The following KIF27 variants were observed in gnomAD, a reference collection of about 807,000 sequenced individuals.
KIF27 encodes kinesin-like protein KIF27.
In KIF27, 84 loss-of-function variants were observed where a neutral mutation model predicts 141.8. The observed-to-expected ratio is 0.59, with a 90% CI of 0.50 to 0.71. The LOEUF (loss-of-function observed/expected upper bound fraction) is 0.71. KIF27 is among the 30% of genes least tolerant of loss of function. KIF27 has a pLI of 0.00. For missense variants in KIF27, 1,306 were observed against 1,628.4 expected (o/e 0.80, Z 3.41); for synonymous variants, 471 against 569.5 (o/e 0.83, Z 2.46).
chr9:83,886,357 T>C (rs1952105040), intron 9 of KIF27, among the ~76,000 whole-genome samples: 1 of 152,132 alleles, frequency 6.6e-6, no homozygotes, highest in Non-Finnish European at 1.5e-5. Context: ...GAAGACCCTT[T>C]TCTTGCTCAT....
In KIF27 at chr9:83,849,955, C is replaced by T. The variant is rs1948348495; in HGVS notation, c.3556+144G>A. 3 of 701,282 alleles carry T rather than the reference C, an allele frequency of 4.3e-6. No homozygotes were observed. In the South Asian group the frequency reaches 5.4e-5, roughly 13 times the overall value. 43.4% of individuals were successfully genotyped at this position (701,282 alleles called of 1,614,324 possible). On this transcript the variant is annotated intron_variant, in intron 16 of 17. Transcript: ENST00000297814. The stretch of plus-strand genomic sequence containing the variant: ...AGTCAACTGTCCCAAAATGCGGCAA[C>T]CAAAACATGTAAAGCCCAAAAACTT...
In KIF27 at chr9:83,882,878, T is replaced by C. The variant is rs193226714; in HGVS notation, c.2445+935A>G. On this transcript the variant is annotated intron_variant, in intron 10 of 17. Transcript: ENST00000297814. ...TTCAAGTCATATTATTTTAACTTGA[T>C]GTTGACTTGAGAAACTATTTAGGTA... Among the ~76,000 whole-genome samples, 582 of 152,282 alleles carry C rather than the reference T, an allele frequency of 3.8e-3. 2 individuals carry two copies. Among genetic ancestry groups the C allele is most frequent in the African/African-American group, 0.014 (566 of 41,556 alleles).
At chr9:83,895,894 CA>C (rs1243016037) in intron 5 of KIF27, among the ~76,000 whole-genome samples, 2 of 150,956 alleles carry the variant, frequency 1.3e-5, no homozygotes, top group African/African-American at 2.4e-5. Flanking sequence ...ACTAAAAATA[CA>C]AAAAAAATTA....
chr9:83,887,720 A>C (rs1485490490), intron 8 of KIF27, among the ~76,000 whole-genome samples: 2 of 151,996 alleles, frequency 1.3e-5, no homozygotes, highest in African/African-American at 4.8e-5. Context: ...AACTAGTGTA[A>C]GCTCATTTAC....
chr9:83,903,910 T>C lies in KIF27; in HGVS notation c.608A>G (p.His203Arg), dbSNP rs965411515. ...RHTGTTQMNE[H>R]SSRSHAIFTI... is the part of the protein sequence containing the mutation. ...AAAAATTGCATGTGATCTGCTGGAGTGCTCATTCATTTGAGTGGTACCTGT... is the reference window on the plus strand; with the variant it reads ...AAAAATTGCATGTGATCTGCTGGAGCGCTCATTCATTTGAGTGGTACCTGT... Residue 203 changes from histidine (H) to arginine (R), a missense_variant, in exon 4 of 18, where the codon CAC becomes CGC. His to Arg is a conservative substitution (Grantham distance 29). Around this residue, in one of 4 missense-constraint regions of KIF27, gnomAD observed 533 missense variants for 565.6 expected, o/e 0.94. Coordinates refer to ENST00000297814, the MANE Select transcript of KIF27 (RefSeq NM_017576.4). 1 of 1,614,018 alleles carries C rather than the reference T, an allele frequency of 6.2e-7. No homozygotes were observed. The highest frequency in any genetic ancestry group is 8.5e-7 in the Non-Finnish European group (1 of 1,180,010).
At chr9:83,860,587 C>G (rs1472946314) in intron 13 of KIF27, among the ~76,000 whole-genome samples, 1 of 152,186 alleles carries the variant, frequency 6.6e-6, no homozygotes, top group Non-Finnish European at 1.5e-5. Context: ...CTTTTTATTG[C>G]ACCTTATAGC....
At chr9:83,913,396 T>C (rs1032254256) in intron 2 of KIF27, among the ~76,000 whole-genome samples, 4 of 152,134 alleles carry the variant, frequency 2.6e-5, no homozygotes, top group African/African-American at 7.2e-5. Context: ...TATAGAGACA[T>C]TCTGGGAAAC....
At chr9:83,893,343 C>T (rs531804790) in intron 5 of KIF27, among the ~76,000 whole-genome samples, 44 of 152,268 alleles carry the variant, frequency 2.9e-4, no homozygotes, top group Non-Finnish European at 5.6e-4. Context: ...TGCCCAATGA[C>T]TGCAGAATGC....
chr9:83,867,648 T>A (rs756329941), intron 13 of KIF27, 36 bp downstream of exon 13: 8 of 1,556,948 alleles, frequency 5.1e-6, no homozygotes, highest in Non-Finnish European at 6.9e-6. Context: ...GGGAGTGGTT[T>A]ACAACCAGAA....
At chr9:83,904,068 G>T in intron 3 of KIF27, 50 bp from the exon 4 acceptor site, 1 of 1,438,974 alleles carries the variant, frequency 6.9e-7, no homozygotes. Flanking sequence ...TCAAAACCTA[G>T]TATAGTTAAC....
intron 12 of KIF27, among the ~76,000 whole-genome samples, chr9:83,870,210 AG>A (rs1950661145): frequency 6.6e-6 from 1 of 152,102 alleles, no homozygotes; most frequent in South Asian, 2.1e-4. Flanking sequence ...CTTGTTGCCC[AG>A]TCTGGAGTGC....
rs193210703 is a variant in KIF27 at position 83,848,285 on chromosome 9, T to A, written c.3556+1814A>T. 1.5e-3 allele frequency among the ~76,000 whole-genome samples: 160 copies of A among 107,364 alleles called. 19 individuals carry two copies. Among genetic ancestry groups the A allele is most frequent in the African/African-American group, 5.8e-3 (157 of 26,854 alleles). The allele number at this position is 107,364 out of a possible 152,430, so 70.4% of individuals were successfully genotyped here. ...TATGATATATCAGATATGATATATA[T>A]GATATATCAGATATGATATATATGA... On this transcript the variant is annotated intron_variant, in intron 16 of 17. Coordinates refer to ENST00000297814, the MANE Select transcript of KIF27 (RefSeq NM_017576.4).
At chr9:83,851,724 A>G (rs952471123) in intron 15 of KIF27, among the ~76,000 whole-genome samples, 21 of 152,098 alleles carry the variant, frequency 1.4e-4, no homozygotes, top group African/African-American at 3.6e-4. Context: ...GACAATGTCT[A>G]TATCACAGAA....
Position 83,865,411 on chromosome 9 carries a change from C to T in KIF27, c.2934+2273G>A, listed in dbSNP as rs143328620. Among the ~76,000 whole-genome samples, 949 of 152,188 alleles carry T rather than the reference C, an allele frequency of 6.2e-3. 8 individuals carry two copies. Among genetic ancestry groups the T allele is most frequent in the African/African-American group, 0.021 (861 of 41,530 alleles). ...CTCTCAGGTTCAAGTGATTGTCCTGCCTCAGCTCCCAAGTACCTGGGATTA... is the reference window on the plus strand; with the variant it reads ...CTCTCAGGTTCAAGTGATTGTCCTGTCTCAGCTCCCAAGTACCTGGGATTA... On this transcript the variant is annotated intron_variant, in intron 13 of 17. Transcript: ENST00000297814.
intron 13 of KIF27, among the ~76,000 whole-genome samples, chr9:83,865,588 C>T (rs527380057): frequency 6.5e-4 from 99 of 152,240 alleles, no homozygotes; most frequent in African/African-American, 2.2e-3. Context: ...TGAGCCACCG[C>T]GCCCTGCCTA....
In KIF27 at chr9:83,904,009, C is replaced by T. The variant is rs763559372; in HGVS notation, c.509G>A (p.Gly170Glu). 2.5e-6 allele frequency: 4 copies of T among 1,596,722 alleles called. No homozygotes were observed. Among genetic ancestry groups the T allele is most frequent in the Non-Finnish European group, 3.4e-6 (4 of 1,171,672 alleles). Residue 170 changes from glycine (G) to glutamate (E), a missense_variant, in exon 4 of 18, where the codon GGG becomes GAG. Around this residue, in one of 4 missense-constraint regions of KIF27, gnomAD observed 533 missense variants for 565.6 expected, o/e 0.94. Coordinates refer to ENST00000297814, the MANE Select transcript of KIF27 (RefSeq NM_017576.4). ...EDEKGNTVIV[G>E]AKECHVESAG... ...ACTCTCCACATGGCATTCCTTGGCC[C>T]CAACAATCACTTAAAATAGTAATAA...
intron 11 of KIF27, among the ~76,000 whole-genome samples, chr9:83,871,863 A>G (rs1950822871): frequency 6.6e-6 from 1 of 150,874 alleles, no homozygotes; most frequent in South Asian, 2.1e-4. Context: ...TAATTTTTGT[A>G]TTTTCTTTTT....
At chr9:83,868,126 A>G (rs1031793050) in intron 12 of KIF27, 11 of 317,610 alleles carry the variant, frequency 3.5e-5, no homozygotes, top group Non-Finnish European at 6.3e-5. Context: ...GAAAGGGCTG[A>G]TAATTTTCTA....
intron 11 of KIF27, 121 bp from the exon 12 acceptor site, chr9:83,870,753 C>T: frequency 5.6e-6 from 8 of 1,423,656 alleles, no homozygotes; most frequent in African/African-American, 2.9e-5. Context: ...CTCTGTCACC[C>T]AGGCTGGAGT....
Sources: gnomAD v4.1 joint callset for allele counts (sites outside exome capture counted in the v4.1 genomes callset) on GRCh38, gnomAD v4.1.1 for gene constraint, gnomAD v4.1.1 regional missense constraint, MANE v1.5 for transcripts, NCBI Gene and HGNC (gene_info 2026-07-23, HGNC 2026-07-21) for gene names.